The following RELL1 variants were observed in gnomAD, a reference collection of about 807,000 sequenced individuals.
The protein encoded by RELL1 is RELT like 1.
Under a neutral mutation model 23.0 loss-of-function variants are expected in RELL1, and 10 were observed. The ratio of observed to expected loss-of-function variants is 0.43; its 90% CI spans 0.27 to 0.74. The LOEUF (loss-of-function observed/expected upper bound fraction) is 0.74. Ranked by LOEUF, RELL1 falls within the 30% of genes least tolerant of loss-of-function variation. RELL1 has a pLI of 0.19. For missense variants in RELL1, 315 were observed against 364.4 expected (o/e 0.86, Z 1.10); for synonymous variants, 146 against 146.8 (o/e 0.99, Z 0.04).
chr4:37,636,260 G>C (rs17423284), intron 4 of RELL1, among the ~76,000 whole-genome samples: 17,718 of 152,154 alleles, frequency 0.12, 1,129 homozygotes, highest in Middle Eastern at 0.19. Context: ...AGACCACTTT[G>C]ATAATCTGGA....
chr4:37,592,146 T>C (rs1356744307), intron 6 of RELL1, among the ~76,000 whole-genome samples: 3 of 146,722 alleles, frequency 2.0e-5, no homozygotes, highest in African/African-American at 7.6e-5. Flanking sequence ...GAGGTGGAGG[T>C]TGCAGTGAGC....
At chr4:37,638,552 T>C (rs1418102914) in intron 3 of RELL1, 48 bp from the exon 4 acceptor site, 1 of 1,368,968 alleles carries the variant, frequency 7.3e-7, no homozygotes, top group South Asian at 1.2e-5. Context: ...ATGAATAAGA[T>C]GAGTAATCAC....
At chr4:37,644,592 G>A (rs1350178879) in intron 3 of RELL1, among the ~76,000 whole-genome samples, 1 of 151,430 alleles carries the variant, frequency 6.6e-6, no homozygotes, top group Non-Finnish European at 1.5e-5. Context: ...AGCCTCCCAA[G>A]TAGATTACAG....
chr4:37,591,210 T>A, exon 7 of RELL1: 1 of 480,870 alleles, frequency 2.1e-6, no homozygotes, highest in South Asian at 3.8e-5. Flanking sequence ...GAGCTGTCAT[T>A]CAGGACACTA....
chr4:37,634,801 T>C, intron 5 of RELL1, 86 bp downstream of exon 5: 2 of 1,120,198 alleles, frequency 1.8e-6, no homozygotes, highest in Non-Finnish European at 1.4e-6. Flanking sequence ...ACAGAGAACA[T>C]ATTCTACATC....
rs1163708262 is a variant in RELL1 at position 37,612,798 on chromosome 4, A to G, written c.*548T>C. On this transcript the variant is annotated 3_prime_UTR_variant, in exon 7 of 7. Transcript: ENST00000454158. ...TTGGGGAATCAACTCCTCAGGGCTA[A>G]CTAGATTATTTCCACTGAGCTTTTA... 6.6e-6 allele frequency: 1 copy of G among 152,194 alleles called. No individual in the cohort carries two copies. The highest frequency in any genetic ancestry group is 1.9e-4 in the East Asian group (1 of 5,204). 9.4% of individuals were successfully genotyped at this position (152,194 alleles called of 1,614,324 possible).
At chr4:37,676,019 G>A (rs1371483279) in intron 1 of RELL1, among the ~76,000 whole-genome samples, 1 of 152,162 alleles carries the variant, frequency 6.6e-6, no homozygotes, top group Non-Finnish European at 1.5e-5. Context: ...GTGACCACAA[G>A]TTCTTTCCAC....
intron 6 of RELL1, among the ~76,000 whole-genome samples, chr4:37,621,578 T>G (rs1373940983): frequency 6.6e-6 from 1 of 152,226 alleles, no homozygotes; most frequent in African/African-American, 2.4e-5. Flanking sequence ...CCTTTCATTT[T>G]CCGCTTCCCT....
intron 1 of RELL1, among the ~76,000 whole-genome samples, chr4:37,666,803 C>G (rs1183021801): frequency 6.6e-6 from 1 of 152,172 alleles, no homozygotes; most frequent in African/African-American, 2.4e-5. Context: ...CTTCCAGGAA[C>G]AGGAAGCAGA....
chr4:37,634,845 C>A (rs979772938), intron 5 of RELL1, 42 bp downstream of exon 5: 2 of 1,527,244 alleles, frequency 1.3e-6, no homozygotes, highest in Non-Finnish European at 1.8e-6. Flanking sequence ...CACCAGAGCA[C>A]CCATGTCACA....
At chr4:37,663,677 C>G (rs1364732680) in intron 1 of RELL1, among the ~76,000 whole-genome samples, 1 of 152,174 alleles carries the variant, frequency 6.6e-6, no homozygotes, top group Non-Finnish European at 1.5e-5. Context: ...TAACAAGCCT[C>G]GGTGTGTAGG....
At position 37,611,306 on chromosome 4, in the gene RELL1, T is replaced by G. The variant is rs1719368144; in HGVS notation, c.*2040A>C. Among the ~76,000 whole-genome samples the G allele has an allele frequency of 2.0e-5, 3 of 152,216 alleles. No individual in the cohort carries two copies. The highest frequency in any genetic ancestry group is 4.1e-4 in the South Asian group (2 of 4,828). ...CCCTAAAAGTCCTATATTGCTACTT[T>G]CTGGATCTCAGTGAAATTTATTTCC... On this transcript the variant is annotated 3_prime_UTR_variant, in exon 7 of 7. Transcript: ENST00000454158.
downstream of RELL1, among the ~76,000 whole-genome samples, chr4:37,605,791 AAG>A (rs879276161): frequency 0.024 from 1,697 of 70,654 alleles, 22 homozygotes; most frequent in African/African-American, 0.056. Context: ...GAGAGAAAGA[AAG>A]AGAAAGAAAG....
chr4:37,631,309 G>A lies in RELL1; in HGVS notation c.*3+76C>T, dbSNP rs1479347188. ...CAAATACCATTCCTATGCTGCCACA[G>A]CACCTGGGAGGCTCCAAGTACCTTC... On this transcript the variant is annotated intron_variant, in intron 6 of 6. Transcript: ENST00000454158. 5 of 1,474,064 alleles carry A rather than the reference G, an allele frequency of 3.4e-6. No individual in the cohort carries two copies. The Admixed American group carries it at 6.4e-5, about 19-fold the overall frequency. 91.3% of individuals were successfully genotyped at this position (1,474,064 alleles called of 1,614,324 possible). A position where few individuals can be genotyped will look rare whatever the true frequency, so the allele number is the denominator to read the frequency against.
chr4:37,653,699 C>T (rs1386929101), intron 1 of RELL1, among the ~76,000 whole-genome samples: 1 of 152,146 alleles, frequency 6.6e-6, no homozygotes, highest in Non-Finnish European at 1.5e-5. Flanking sequence ...TCTCCCTGAC[C>T]CACAGAATGT....
chr4:37,627,054 T>G (rs775153104), intron 6 of RELL1, among the ~76,000 whole-genome samples: 4 of 152,214 alleles, frequency 2.6e-5, no homozygotes, highest in Admixed American at 6.5e-5. Context: ...TATAAGTATG[T>G]GTGGCAATGC....
chr4:37,644,025 G>T (rs1259686989), intron 3 of RELL1, among the ~76,000 whole-genome samples: 1 of 152,134 alleles, frequency 6.6e-6, no homozygotes, highest in African/African-American at 2.4e-5. Flanking sequence ...AGGGGACCCG[G>T]GGTTGAGAAT....
chr4:37,674,504 G>A (rs1721951197), intron 1 of RELL1, among the ~76,000 whole-genome samples: 1 of 152,174 alleles, frequency 6.6e-6, no homozygotes, highest in South Asian at 2.1e-4. Flanking sequence ...GAAGGAGGAT[G>A]GAAAGAACTG....
At chr4:37,665,577 T>C (rs1010641756) in intron 1 of RELL1, among the ~76,000 whole-genome samples, 1 of 152,222 alleles carries the variant, frequency 6.6e-6, no homozygotes, top group Non-Finnish European at 1.5e-5. Context: ...CTAACAGAAC[T>C]GTTCATGTAT....
Sources: allele counts gnomAD v4.1 joint callset (sites outside exome capture counted in the v4.1 genomes callset), GRCh38; gene constraint gnomAD v4.1.1; transcripts MANE v1.5; gene names NCBI Gene and HGNC (gene_info 2026-07-23, HGNC 2026-07-21).